TOX4: variants seen among roughly 807,000 people sequenced by gnomAD.
TOX4 encodes TOX high mobility group box family member 4, also known as epidermal Langerhans cell protein LCP1.
TOX4 carries 12 observed loss-of-function variants against 61.0 expected under a neutral mutation model. The ratio of observed to expected loss-of-function variants is 0.20; its 90% CI spans 0.13 to 0.32. The LOEUF is 0.32. Among genes scored for constraint, TOX4 ranks in the 10% least tolerant of loss-of-function variants. TOX4 has a pLI of 1.00. For synonymous variants in TOX4, 268 were observed against 274.8 expected, an observed-to-expected ratio of 0.98 and a Z score of 0.24; for missense variants, 499 against 753.3, an observed-to-expected ratio of 0.66 and a Z score of 3.95.
intron 7 of TOX4, among the ~76,000 whole-genome samples, chr14:21,494,676 G>A (rs1052810932): frequency 2.3e-4 from 35 of 151,746 alleles, no homozygotes; most frequent in African/African-American, 8.5e-4. Flanking sequence ...CGGGAACCCA[G>A]GAGGCAGAGC....
intron 2 of TOX4, among the ~76,000 whole-genome samples, chr14:21,481,123 G>T (rs1193025292): frequency 6.6e-6 from 1 of 152,162 alleles, no homozygotes; most frequent in Non-Finnish European, 1.5e-5. Context: ...CAAAAGATTT[G>T]AACAGTCACT....
At chr14:21,494,749 CAAAAAAAA>C (rs71419140) in intron 7 of TOX4, among the ~76,000 whole-genome samples, 7 of 105,708 alleles carry the variant, frequency 6.6e-5, no homozygotes, top group Admixed American at 4.8e-4. Flanking sequence ...GACTCCGTCT[CAAAAAAAA>C]AAAAAAAAAA....
intron 2 of TOX4, among the ~76,000 whole-genome samples, chr14:21,480,864 G>A (rs1891095250): frequency 6.6e-6 from 1 of 152,228 alleles, no homozygotes; most frequent in Non-Finnish European, 1.5e-5. Context: ...GCTGAGGCGA[G>A]TGGATCACCT....
rs146789895 is a variant in TOX4 at position 21,478,055 on chromosome 14, G to T, written c.75+491G>T. On this transcript the variant is annotated intron_variant, in intron 2 of 8. Transcript: ENST00000448790. ...GGGTTCAAGCGATTCTCCTGCCTCA[G>T]CCTCCCGAGTAGCTGGGATTACAGG... is the stretch of plus-strand genomic sequence containing the variant. Among the ~76,000 whole-genome samples the T allele has an allele frequency of 8.7e-4, 133 of 152,342 alleles. 1 individual carries two copies. The highest frequency in any genetic ancestry group is 2.9e-3 in the Admixed American group (44 of 15,302).
Position 21,487,684 on chromosome 14 carries a change from C to T in TOX4, c.309C>T (p.Gly103=). 1 of 1,611,284 alleles carries T rather than the reference C, an allele frequency of 6.2e-7. No homozygotes were observed. The highest frequency in any genetic ancestry group is 2.2e-5 in the East Asian group (1 of 44,794). Residue 103 remains glycine (G), a synonymous_variant, in exon 3 of 9, where the codon GGC becomes GGT. Transcript: ENST00000448790. ...MEQGGGLLSG[G]LTMDLDHSIG... is the part of the protein sequence containing the mutation. ...AGGGCGGGGGGCTCCTGAGTGGGGG[C>T]TTGACCATGGTAAGGGGCAAGACAT...
chr14:21,487,916 ATTAT>A, intron 3 of TOX4: 2 of 478,550 alleles, frequency 4.2e-6, no homozygotes, highest in Non-Finnish European at 6.7e-6. Context: ...TGGTTTGAAA[ATTAT>A]TTATTGTGGT....
At position 21,484,467 on chromosome 14, in the gene TOX4, G is replaced by GATGAAGAAAACTTGTTCAAGGTCTTGTAC. The variant is rs1372322620; in HGVS notation, c.76-2984_76-2983insATGAAGAAAACTTGTTCAAGGTCTTGTAC. 8.3e-3 allele frequency among the ~76,000 whole-genome samples: 352 copies of GATGAAGAAAACTTGTTCAAGGTCTTGTAC among 42,416 alleles called. 2 individuals are homozygous for GATGAAGAAAACTTGTTCAAGGTCTTGTAC. Among genetic ancestry groups the GATGAAGAAAACTTGTTCAAGGTCTTGTAC allele is most frequent in the East Asian group, 0.017 (14 of 828 alleles). The allele number at this position is 42,416 out of a possible 152,430, so 27.8% of individuals were successfully genotyped here. A position where few individuals can be genotyped will look rare whatever the true frequency, so the allele number is the denominator to read the frequency against. ...GGATTCAAGTGATTCTCCTGCCTCAGCCTCCTGATGTAGATGGCATTACAG... is the reference window on the plus strand; with the variant it reads ...GGATTCAAGTGATTCTCCTGCCTCAGATGAAGAAAACTTGTTCAAGGTCTTGTACCCTCCTGATGTAGATGGCATTACAG... On this transcript the variant is annotated intron_variant, in intron 2 of 8. Transcript: ENST00000448790.
rs1891004223 is a variant in TOX4 at position 21,477,199 on chromosome 14, C to T, written c.-80C>T. 2 of 1,610,042 alleles carry T rather than the reference C, an allele frequency of 1.2e-6. No homozygotes were observed. Among genetic ancestry groups the T allele is most frequent in the Admixed American group, 1.7e-5 (1 of 60,020 alleles). On this transcript the variant is annotated 5_prime_UTR_variant, in exon 1 of 9. Coordinates refer to ENST00000448790, the MANE Select transcript of TOX4 (RefSeq NM_014828.4). ...TCAGCAGAGAGAACACACGTCCTTGCGGAAGTGACGGCAGTTCCGAGTCCA... is the reference window on the plus strand; with the variant it reads ...TCAGCAGAGAGAACACACGTCCTTGTGGAAGTGACGGCAGTTCCGAGTCCA...
chr14:21,499,022 T>C lies in TOX4; in HGVS notation c.*2416T>C. On this transcript the variant is annotated 3_prime_UTR_variant, in exon 9 of 9. Coordinates refer to ENST00000448790, the MANE Select transcript of TOX4 (RefSeq NM_014828.4). The stretch of plus-strand genomic sequence containing the variant: ...GGACTAGCCTGTTCTCTGGTCACCT[T>C]ACCAGTTGGGTTGCACATTGTGTGG... 1 of 1,608,176 alleles carries C rather than the reference T, an allele frequency of 6.2e-7. No individual in the cohort carries two copies. The highest frequency in any genetic ancestry group is 8.5e-7 in the Non-Finnish European group (1 of 1,174,612).
At chr14:21,477,788 G>A (rs1026877498) in intron 2 of TOX4, among the ~76,000 whole-genome samples, 6 of 152,222 alleles carry the variant, frequency 3.9e-5, no homozygotes, top group Non-Finnish European at 7.3e-5. Context: ...GAGATAACCT[G>A]TTTAAAGAGA....
At chr14:21,494,154 T>G (rs561561889) in intron 7 of TOX4, among the ~76,000 whole-genome samples, 1 of 152,234 alleles carries the variant, frequency 6.6e-6, no homozygotes, top group East Asian at 1.9e-4. Flanking sequence ...TAAACAGTTA[T>G]TATTCAGAGT....
rs1891394435 is a variant in TOX4 at position 21,496,159 on chromosome 14, CAAG to C, written c.1806-382_1806-380del. 4 of 139,616 alleles carry C rather than the reference CAAG, an allele frequency of 2.9e-5. No homozygotes were observed. The South Asian group carries it at 5.9e-4, about 20-fold the overall frequency. 8.6% of individuals were successfully genotyped at this position (139,616 alleles called of 1,614,324 possible). ...CTGGGAGGTGGAGGTTGCAGTGAGCCAAGAAGATCACGCCACTGCACTCCAGCC... is the reference window on the plus strand; with the variant it reads ...CTGGGAGGTGGAGGTTGCAGTGAGCCAAGATCACGCCACTGCACTCCAGCC... On this transcript the variant is annotated intron_variant, in intron 8 of 8. Coordinates refer to ENST00000448790, the MANE Select transcript of TOX4 (RefSeq NM_014828.4).
chr14:21,484,465 C>CTTTCCCATTTTACAGATGAAGAA lies in TOX4; in HGVS notation c.76-2986_76-2985insTTTCCCATTTTACAGATGAAGAA. Among the ~76,000 whole-genome samples, 48 of 104,796 alleles carry CTTTCCCATTTTACAGATGAAGAA rather than the reference C, an allele frequency of 4.6e-4. 10 individuals carry two copies. The highest frequency in any genetic ancestry group is 9.9e-3 in the Middle Eastern group (2 of 202). The allele number at this position is 104,796 out of a possible 152,430, so 68.8% of individuals were successfully genotyped here. ...CTGGATTCAAGTGATTCTCCTGCCT[C>CTTTCCCATTTTACAGATGAAGAA]AGCCTCCTGATGTAGATGGCATTAC... On this transcript the variant is annotated intron_variant, in intron 2 of 8. Coordinates refer to ENST00000448790, the MANE Select transcript of TOX4 (RefSeq NM_014828.4).
At position 21,499,082 on chromosome 14, in the gene TOX4, GAT is replaced by G. The variant is rs2139638427; in HGVS notation, c.*2478_*2479del. The stretch of plus-strand genomic sequence containing the variant: ...TAACTCAATCTTGCGAGTGCCAGGA[GAT>G]AGTCTTTCAATCATGCCATAGATTT... On this transcript the variant is annotated 3_prime_UTR_variant, in exon 9 of 9. Transcript: ENST00000448790. 1.2e-6 allele frequency: 2 copies of G among 1,614,058 alleles called. No homozygotes were observed. Among genetic ancestry groups the G allele is most frequent in the East Asian group, 4.5e-5 (2 of 44,902 alleles).
chr14:21,491,564 C>G (rs1949121156), intron 5 of TOX4, among the ~76,000 whole-genome samples: 1 of 151,130 alleles, frequency 6.6e-6, no homozygotes, highest in African/African-American at 2.4e-5. Context: ...CGGGTTTCAC[C>G]AGGTTAGCCA....
chr14:21,488,553 A>G, intron 3 of TOX4, 37 bp from the exon 4 acceptor site: 10 of 1,576,098 alleles, frequency 6.3e-6, no homozygotes, highest in Non-Finnish European at 8.7e-6. Context: ...GGTTTTTTTT[A>G]TATTTAGTGT....
At chr14:21,480,539 A>T (rs1891089668) in intron 2 of TOX4, among the ~76,000 whole-genome samples, 1 of 152,088 alleles carries the variant, frequency 6.6e-6, no homozygotes, top group Non-Finnish European at 1.5e-5. Context: ...ATTAAAAAAA[A>T]GTTTTTTTTT....
In TOX4 at chr14:21,477,667, A is replaced by G. The variant is rs1052304026; in HGVS notation, c.75+103A>G. 1.1e-5 allele frequency: 14 copies of G among 1,316,024 alleles called. No homozygotes were observed. The African/African-American group carries it at 1.8e-4, about 16-fold the overall frequency. 81.5% of individuals were successfully genotyped at this position (1,316,024 alleles called of 1,614,324 possible). A position where few individuals can be genotyped will look rare whatever the true frequency, so the allele number is the denominator to read the frequency against. On this transcript the variant is annotated intron_variant, in intron 2 of 8. Transcript: ENST00000448790. ...ACTCCGGGGACGGGGGCTGGGAACC[A>G]AGGGCCGCAATTGGTGTTTAGAGAA...
At position 21,487,462 on chromosome 14, in the gene TOX4, A is replaced by T. The variant is rs1260481237; in HGVS notation, c.87A>T (p.Thr29=). 2 of 1,613,468 alleles carry T rather than the reference A, an allele frequency of 1.2e-6. No homozygotes were observed. The highest frequency in any genetic ancestry group is 3.3e-5 in the Admixed American group (2 of 59,968). The change falls in exon 3 of 9, where the codon ACA becomes ACT. Residue 29 remains threonine (T), a synonymous_variant. Coordinates refer to ENST00000448790, the MANE Select transcript of TOX4 (RefSeq NM_014828.4). The stretch of plus-strand genomic sequence containing the variant: ...TTTTTCCCCTACAGACATTCCATAC[A>T]CCAAGCTTGGGTGATGAGGAATTTG... The part of the protein sequence containing the change: ...PFLSGAETFH[T]PSLGDEEFEI...
Sources: allele counts gnomAD v4.1 joint callset (sites outside exome capture counted in the v4.1 genomes callset), GRCh38; gene constraint gnomAD v4.1.1; transcripts MANE v1.5; gene names NCBI Gene and HGNC (gene_info 2026-07-23, HGNC 2026-07-21).